CHD2: variants seen among roughly 807,000 people sequenced by gnomAD.
The protein encoded by CHD2 is chromodomain helicase DNA binding protein 2.
A neutral mutation model predicts 243.9 loss-of-function variants in CHD2; 28 were observed. That is an observed-to-expected ratio of 0.11 (90% CI 0.09 to 0.16). The LOEUF (loss-of-function observed/expected upper bound fraction) is 0.16, where lower values mean the gene tolerates loss of function less well. Among genes scored for constraint, CHD2 ranks in the 10% least tolerant of loss-of-function variants. The probability of loss-of-function intolerance (pLI) is 1.00; values close to 1 mark genes in which losing one functional copy is unlikely to be tolerated. For missense variants in CHD2, 1,386 were observed against 2,209.8 expected (o/e 0.63, Z 7.47); for synonymous variants, 775 against 779.0 (o/e 0.99, Z 0.09).
intron 2 of CHD2, among the ~76,000 whole-genome samples, chr15:92,915,471 T>G (rs1328594855): frequency 6.6e-6 from 1 of 152,138 alleles, no homozygotes; most frequent in Admixed American, 6.5e-5. Context: ...AGACAGTGTT[T>G]CACCGTGTTA....
intron 20 of CHD2, among the ~76,000 whole-genome samples, 194 bp downstream of exon 20, chr15:92,975,144 A>G (rs1164731600): frequency 3.3e-5 from 5 of 152,208 alleles, no homozygotes; most frequent in Non-Finnish European, 7.3e-5. Flanking sequence ...GTGCTTATTT[A>G]TCTCCCCTGT....
chr15:92,902,825 C>CA (rs2052548680), intron 2 of CHD2: 1 of 152,196 alleles, frequency 6.6e-6, no homozygotes, highest in Admixed American at 6.5e-5. Flanking sequence ...GCATAGGTCT[C>CA]ACATGGGTTT....
intron 2 of CHD2, among the ~76,000 whole-genome samples, chr15:92,917,627 A>G (rs888493267): frequency 5.9e-5 from 9 of 152,254 alleles, no homozygotes; most frequent in Non-Finnish European, 5.9e-5. Flanking sequence ...TTCCATCTTA[A>G]GACACATAGA....
chr15:92,961,120 T>C (rs2053682181), intron 16 of CHD2, among the ~76,000 whole-genome samples: 1 of 152,168 alleles, frequency 6.6e-6, no homozygotes, highest in Non-Finnish European at 1.5e-5. Flanking sequence ...ATAAAATGAA[T>C]TGGAGAGCGT....
intron 31 of CHD2, among the ~76,000 whole-genome samples, chr15:92,999,608 T>C (rs188663770): frequency 3.9e-5 from 6 of 152,322 alleles, no homozygotes; most frequent in Non-Finnish European, 5.9e-5. Context: ...TGTATTATTA[T>C]AAGCAAAGCA....
intron 24 of CHD2, among the ~76,000 whole-genome samples, chr15:92,982,118 T>C (rs958819212): frequency 1.3e-5 from 2 of 151,984 alleles, no homozygotes; most frequent in Non-Finnish European, 2.9e-5. Flanking sequence ...TATAGGGAGA[T>C]ATTGAAGGTT....
intron 7 of CHD2, among the ~76,000 whole-genome samples, chr15:92,941,099 T>G (rs1311303286): frequency 6.6e-6 from 1 of 150,482 alleles, no homozygotes; most frequent in Non-Finnish European, 1.5e-5. Context: ...CCTCCCGGAT[T>G]CAAGTGATTC....
Position 93,004,599 on chromosome 15 carries a change from G to C in CHD2, c.4279-18G>C. ...ATTGCACAAATGACAATGACTCCTT[G>C]TAACTCTTTTTTAAAAGCCTAAAAG... On this transcript the variant is annotated intron_variant, in intron 33 of 38. Coordinates refer to ENST00000394196, the MANE Select transcript of CHD2 (RefSeq NM_001271.4). 1 of 1,605,174 alleles carries C rather than the reference G, an allele frequency of 6.2e-7. No homozygotes were observed. Among genetic ancestry groups the C allele is most frequent in the Non-Finnish European group, 8.5e-7 (1 of 1,174,160 alleles).
At chr15:92,904,872 A>G (rs2052590254) in intron 2 of CHD2, 1 of 1,527,718 alleles carries the variant, frequency 6.5e-7, no homozygotes, top group African/African-American at 1.4e-5. Flanking sequence ...TATTTTAGTG[A>G]AAACCTCTTG....
At chr15:92,936,636 T>G (rs2053271801) in intron 5 of CHD2, among the ~76,000 whole-genome samples, 1 of 152,174 alleles carries the variant, frequency 6.6e-6, no homozygotes, top group Non-Finnish European at 1.5e-5. Flanking sequence ...CTGAACAGAT[T>G]AGTTATATGA....
intron 2 of CHD2, among the ~76,000 whole-genome samples, chr15:92,922,249 C>T (rs1268584197): frequency 6.6e-6 from 1 of 151,762 alleles, no homozygotes; most frequent in East Asian, 1.9e-4. Flanking sequence ...GGCCAAGTTA[C>T]ATAAAAGAGG....
At chr15:92,999,119 T>TAAAAA (rs2054222548) in intron 31 of CHD2, among the ~76,000 whole-genome samples, 1 of 136,156 alleles carries the variant, frequency 7.3e-6, no homozygotes, top group African/African-American at 2.8e-5. Context: ...AAAAAAAAAT[T>TAAAAA]CATTTAAGAC....
At chr15:93,021,502 T>C (rs2054534586) in intron 38 of CHD2, 3 of 152,238 alleles carry the variant, frequency 2.0e-5, no homozygotes, top group Admixed American at 2.0e-4. Context: ...ACACCTATAT[T>C]AGCTTGCTTG....
intron 5 of CHD2, among the ~76,000 whole-genome samples, chr15:92,930,787 T>G (rs529928222): frequency 2.0e-5 from 3 of 152,280 alleles, no homozygotes; most frequent in African/African-American, 7.2e-5. Flanking sequence ...GACCTTTCTT[T>G]TCCTGAGTAG....
intron 28 of CHD2, among the ~76,000 whole-genome samples, chr15:92,996,462 G>T (rs891199186): frequency 6.6e-6 from 1 of 152,030 alleles, no homozygotes; most frequent in Non-Finnish European, 1.5e-5. Context: ...GCCCGCCTGG[G>T]TTAGTGTAAT....
At chr15:93,006,021 C>G (rs1464486897) in intron 34 of CHD2, among the ~76,000 whole-genome samples, 1 of 151,782 alleles carries the variant, frequency 6.6e-6, no homozygotes, top group African/African-American at 2.4e-5. Flanking sequence ...ATAAATATAC[C>G]ATGAAGTTTT....
chr15:93,016,457 A>G (rs559742810), intron 37 of CHD2, among the ~76,000 whole-genome samples: 1 of 152,336 alleles, frequency 6.6e-6, no homozygotes, highest in Non-Finnish European at 1.5e-5. Flanking sequence ...GTAGTTAATA[A>G]CAATGTATTA....
intron 2 of CHD2, among the ~76,000 whole-genome samples, chr15:92,906,796 C>T (rs2052631631): frequency 1.3e-5 from 2 of 151,508 alleles, no homozygotes; most frequent in South Asian, 4.2e-4. Context: ...AAAAAAAATT[C>T]CTCTAAGAGT....
intron 7 of CHD2, among the ~76,000 whole-genome samples, chr15:92,940,157 A>G (rs2053335715): frequency 6.6e-6 from 1 of 152,244 alleles, no homozygotes; most frequent in African/African-American, 2.4e-5. Flanking sequence ...AATAGGAATT[A>G]TCATTAGTGA....
Sources: gnomAD v4.1 joint callset for allele counts (sites outside exome capture counted in the v4.1 genomes callset) on GRCh38, gnomAD v4.1.1 for gene constraint, MANE v1.5 for transcripts, NCBI Gene and HGNC (gene_info 2026-07-23, HGNC 2026-07-21) for gene names.